KCNH8: variants seen among roughly 807,000 people sequenced by gnomAD.
KCNH8 encodes voltage-gated delayed rectifier potassium channel KCNH8.
Under a neutral mutation model 103.6 loss-of-function variants are expected in KCNH8, and 70 were observed. The observed-to-expected ratio is 0.68, with a 90% CI of 0.56 to 0.82. The LOEUF is 0.82. KCNH8 is among the 40% of genes least tolerant of loss of function. The pLI is 0.00. For missense variants in KCNH8, 1,217 were observed against 1,329.9 expected (o/e 0.92, Z 1.32); for synonymous variants, 498 against 489.4 (o/e 1.02, Z -0.23).
intron 2 of KCNH8, among the ~76,000 whole-genome samples, chr3:19,259,364 A>G (rs988289523): frequency 6.6e-6 from 1 of 151,962 alleles, no homozygotes; most frequent in Admixed American, 6.6e-5. Context: ...TTTAAATTAG[A>G]AAAGTAAAAA....
intron 8 of KCNH8, among the ~76,000 whole-genome samples, chr3:19,442,366 A>C (rs1167517172): frequency 6.6e-6 from 1 of 152,198 alleles, no homozygotes; most frequent in East Asian, 1.9e-4. Context: ...CTCAAAGCCT[A>C]ATTCTACTAA....
At chr3:19,455,314 T>C (rs1230225558) in intron 10 of KCNH8, among the ~76,000 whole-genome samples, 2 of 152,162 alleles carry the variant, frequency 1.3e-5, no homozygotes, top group Non-Finnish European at 2.9e-5. Context: ...ATAAATGTAC[T>C]CTCCACAGAA....
At chr3:19,530,042 A>C (rs1304109394) in intron 15 of KCNH8, among the ~76,000 whole-genome samples, 1 of 152,176 alleles carries the variant, frequency 6.6e-6, no homozygotes, top group Admixed American at 6.5e-5. Context: ...TGGCAAATGC[A>C]TGGTAAGCCA....
At chr3:19,336,120 AGTTT>A (rs570551417) in intron 3 of KCNH8, among the ~76,000 whole-genome samples, 18 of 151,634 alleles carry the variant, frequency 1.2e-4, no homozygotes, top group Non-Finnish European at 2.5e-4. Context: ...TTAAATATAT[AGTTT>A]GTTTCATGTA....
intron 1 of KCNH8, among the ~76,000 whole-genome samples, chr3:19,182,963 G>T (rs1180562675): frequency 6.6e-6 from 1 of 152,168 alleles, no homozygotes; most frequent in East Asian, 1.9e-4. Context: ...AATGATCTTG[G>T]ATACAGAAAA....
At chr3:19,218,047 TTC>T (rs1575444537) in intron 1 of KCNH8, among the ~76,000 whole-genome samples, 2 of 152,182 alleles carry the variant, frequency 1.3e-5, no homozygotes, top group Non-Finnish European at 1.5e-5. Flanking sequence ...CCAAACTAGA[TTC>T]TGAGACTTCT....
intron 11 of KCNH8, among the ~76,000 whole-genome samples, chr3:19,480,136 AT>A (rs1472148316): frequency 1.3e-5 from 2 of 152,154 alleles, no homozygotes; most frequent in African/African-American, 2.4e-5. Flanking sequence ...ATGCAAATAG[AT>A]TTCCTATCTT....
intron 7 of KCNH8, among the ~76,000 whole-genome samples, chr3:19,428,082 C>G (rs886932371): frequency 6.6e-6 from 1 of 152,224 alleles, no homozygotes; most frequent in Non-Finnish European, 1.5e-5. Flanking sequence ...TTCTCCCTAA[C>G]AGATGTCCAC....
intron 5 of KCNH8, among the ~76,000 whole-genome samples, chr3:19,354,401 A>C (rs1040127477): frequency 1.3e-5 from 2 of 152,208 alleles, no homozygotes; most frequent in Admixed American, 1.3e-4. Flanking sequence ...ATATGGAACC[A>C]AAAAAGAGCC....
chr3:19,395,540 A>C (rs1452943405), intron 7 of KCNH8, among the ~76,000 whole-genome samples: 1 of 152,018 alleles, frequency 6.6e-6, no homozygotes, highest in East Asian at 1.9e-4. Context: ...GAGAAATTTT[A>C]TATATAATCA....
rs552149985 is a variant in KCNH8, at chr3:19,469,827, C to T, written c.2040+12845C>T. On this transcript the variant is annotated intron_variant, in intron 11 of 15. Transcript: ENST00000328405. ...TGCAGCAAAATGACTCTCAGTGCCC[C>T]TTCTCTTCTTAGTGATTGCCTAAGA... Among the ~76,000 whole-genome samples, 19 of 152,272 alleles carry T rather than the reference C, an allele frequency of 1.2e-4. No individual in the cohort carries two copies. In the South Asian group the frequency reaches 3.3e-3, roughly 27 times the overall value.
intron 5 of KCNH8, among the ~76,000 whole-genome samples, chr3:19,351,315 GAT>G (rs1187084436): frequency 6.6e-5 from 10 of 152,222 alleles, no homozygotes; most frequent in Admixed American, 3.3e-4. Context: ...TGCTCTTCAG[GAT>G]ATTATCCAGG....
At position 19,375,029 on chromosome 3, in the gene KCNH8, GC is replaced by G. The variant is rs1559498231; in HGVS notation, c.812-15449del. On this transcript the variant is annotated intron_variant, in intron 5 of 15. Coordinates refer to ENST00000328405, the MANE Select transcript of KCNH8 (RefSeq NM_144633.3). ...GGTAACCTGACCTTTCTCTCTGGCT[GC>G]CCTTAACATTTTTTCCTTCATTTCA... 5.3e-5 allele frequency among the ~76,000 whole-genome samples: 8 copies of G among 151,770 alleles called. No homozygotes were observed. The South Asian group carries it at 1.7e-3, about 32-fold the overall frequency.
At chr3:19,517,903 A>G (rs143305063) in intron 14 of KCNH8, 95 bp from the exon 15 acceptor site, 8 of 972,328 alleles carry the variant, frequency 8.2e-6, no homozygotes, top group African/African-American at 3.2e-5. Context: ...GTTAAAAGTG[A>G]TAGCGTGGAC....
chr3:19,148,714 G>C lies in KCNH8; in HGVS notation c.-6G>C, dbSNP rs78751941. On this transcript the variant is annotated 5_prime_UTR_variant, in exon 1 of 16. Coordinates refer to ENST00000328405, the MANE Select transcript of KCNH8 (RefSeq NM_144633.3). The stretch of plus-strand genomic sequence containing the variant: ...TTGATGGAGAATTTCACACCACGCT[G>C]GAAAAATGCCGGTTATGAAAGGATT... 3.1e-3 allele frequency: 4,976 copies of C among 1,613,908 alleles called. 11 individuals are homozygous for C. Among genetic ancestry groups the C allele is most frequent in the Non-Finnish European group, 3.8e-3 (4,468 of 1,179,792 alleles).
intron 11 of KCNH8, among the ~76,000 whole-genome samples, chr3:19,498,671 T>G (rs1039411958): frequency 6.6e-6 from 1 of 152,246 alleles, no homozygotes; most frequent in African/African-American, 2.4e-5. Flanking sequence ...TTTTAGAGTT[T>G]CCAGTTTTTC....
chr3:19,299,497 T>C (rs2065037925), intron 3 of KCNH8, among the ~76,000 whole-genome samples: 1 of 152,188 alleles, frequency 6.6e-6, no homozygotes, highest in Admixed American at 6.5e-5. Flanking sequence ...ACAAAAAGTG[T>C]CTCGTCTTGT....
At chr3:19,487,167 A>G (rs547875482) in intron 11 of KCNH8, among the ~76,000 whole-genome samples, 1 of 152,238 alleles carries the variant, frequency 6.6e-6, no homozygotes, top group South Asian at 2.1e-4. Context: ...GTCCAAGTGT[A>G]CTGAGTAGTC....
At chr3:19,372,606 C>T (rs1275251113) in intron 5 of KCNH8, among the ~76,000 whole-genome samples, 1 of 152,050 alleles carries the variant, frequency 6.6e-6, no homozygotes, top group Non-Finnish European at 1.5e-5. Context: ...CGTTTATTTC[C>T]TTCTCCTGCC....
Sources: gnomAD v4.1 joint callset for allele counts (sites outside exome capture counted in the v4.1 genomes callset) on GRCh38, gnomAD v4.1.1 for gene constraint, MANE v1.5 for transcripts, NCBI Gene and HGNC (gene_info 2026-07-23, HGNC 2026-07-21) for gene names.